Variants in CRYBA4 observed in about 807,000 individuals in gnomAD.
CRYBA4 encodes the protein beta-crystallin A4.
In CRYBA4, 30 loss-of-function variants were observed where a neutral mutation model predicts 31.7. The ratio of observed to expected loss-of-function variants is 0.95; its 90% CI spans 0.71 to 1.28. The LOEUF is 1.28. Ranked by LOEUF, CRYBA4 falls within the 50% of genes most tolerant of loss-of-function variation. The pLI is 0.00. For missense variants in CRYBA4, 225 were observed against 260.7 expected (o/e 0.86, Z 0.94); for synonymous variants, 102 against 102.3 (o/e 1.00, Z 0.02).
chr22:26,614,144 T>C, the CRYBA4 span, among the ~76,000 whole-genome samples: 1 of 152,218 alleles, frequency 6.6e-6, no homozygotes, highest in African/African-American at 2.4e-5. Flanking sequence ...ATTTTAATTT[T>C]GCCCCGGTCC....
the CRYBA4 span, chr22:26,599,297 C>G: frequency 3.3e-6 from 2 of 601,278 alleles, no homozygotes; most frequent in Non-Finnish European, 5.9e-6. Context: ...GTGTTTGCTG[C>G]TTTTATTATC....
chr22:26,598,251 G>T, the CRYBA4 span, among the ~76,000 whole-genome samples: 1 of 152,174 alleles, frequency 6.6e-6, no homozygotes, highest in South Asian at 2.1e-4. Flanking sequence ...GCAGGCAGTG[G>T]TATCTGCTGG....
chr22:26,601,778 CCTT>C, the CRYBA4 span: 7 of 1,579,640 alleles, frequency 4.4e-6, no homozygotes, highest in Admixed American at 1.2e-4. Flanking sequence ...GGGGCCATGG[CCTT>C]CTCTAGGAAT....
At chr22:26,615,131 A>G in the CRYBA4 span, among the ~76,000 whole-genome samples, 2 of 152,242 alleles carry the variant, frequency 1.3e-5, no homozygotes, top group Admixed American at 6.5e-5. Flanking sequence ...AAAACCTGCC[A>G]CGCACTGACC....
chr22:26,630,189 G>C (rs1929880927), intron 5 of CRYBA4, 151 bp from the exon 6 acceptor site: 1 of 956,634 alleles, frequency 1.0e-6, no homozygotes, highest in African/African-American at 1.6e-5. Flanking sequence ...CAAAGGCCCT[G>C]TGGTAGGGGA....
the CRYBA4 span, among the ~76,000 whole-genome samples, chr22:26,614,032 G>A: frequency 1.3e-5 from 2 of 152,126 alleles, no homozygotes; most frequent in Non-Finnish European, 2.9e-5. Context: ...TTAGGAAGAG[G>A]AAATTCCTGC....
At chr22:26,590,474 GCTA>G in the CRYBA4 span, among the ~76,000 whole-genome samples, 1 of 152,238 alleles carries the variant, frequency 6.6e-6, no homozygotes, top group Non-Finnish European at 1.5e-5. Context: ...GTGTATTCGT[GCTA>G]CTGTTTGTGT....
At chr22:26,596,143 C>G in the CRYBA4 span, among the ~76,000 whole-genome samples, 1 of 152,030 alleles carries the variant, frequency 6.6e-6, no homozygotes, top group Non-Finnish European at 1.5e-5. Context: ...TTCTGTCGCC[C>G]AAGCTGACAT....
At chr22:26,601,895 TCACGC>T in the CRYBA4 span, 3 of 1,612,130 alleles carry the variant, frequency 1.9e-6, no homozygotes, top group Non-Finnish European at 2.5e-6. Flanking sequence ...CTGGAGACCT[TCACGC>T]TGCCCACGCG....
chr22:26,605,444 C>T, the CRYBA4 span, among the ~76,000 whole-genome samples: 11 of 144,702 alleles, frequency 7.6e-5, no homozygotes, highest in African/African-American at 2.7e-4. Context: ...GAGGCCCAGG[C>T]GGGTAGATCA....
At chr22:26,629,052 A>C (rs1929839066) in intron 5 of CRYBA4, among the ~76,000 whole-genome samples, 1 of 152,136 alleles carries the variant, frequency 6.6e-6, no homozygotes, top group Non-Finnish European at 1.5e-5. Flanking sequence ...CCTAGCCATA[A>C]AACACAGGTG....
chr22:26,598,006 C>T, the CRYBA4 span, among the ~76,000 whole-genome samples: 1 of 152,024 alleles, frequency 6.6e-6, no homozygotes. Flanking sequence ...CCTCAGCCTC[C>T]CAAGTAGCTG....
the CRYBA4 span, among the ~76,000 whole-genome samples, chr22:26,595,081 T>C: frequency 6.6e-6 from 1 of 152,250 alleles, no homozygotes; most frequent in Non-Finnish European, 1.5e-5. Context: ...TTCTTTAACT[T>C]GCTTCTTTTA....
At chr22:26,612,061 C>G in the CRYBA4 span, 3 of 1,597,110 alleles carry the variant, frequency 1.9e-6, no homozygotes, top group Non-Finnish European at 2.6e-6. Flanking sequence ...CCTCCGCCGC[C>G]CAGTACTCAC....
At position 26,628,271 on chromosome 22, in the gene CRYBA4, G is replaced by A. The variant is rs776705468; in HGVS notation, c.301-17G>A. ...ACTGGGAGCCTGCTGGTCTGACTGT[G>A]TTCCCTGTTCCTGTAGAACCACCGT... On this transcript the variant is annotated splice_polypyrimidine_tract_variant and intron_variant, in intron 4 of 5. Transcript: ENST00000354760. 6.2e-7 allele frequency: 1 copy of A among 1,613,874 alleles called. No individual in the cohort carries two copies. Among genetic ancestry groups the A allele is most frequent in the Non-Finnish European group, 8.5e-7 (1 of 1,179,930 alleles).
rs1929601937 is a variant in CRYBA4, at chr22:26,623,341, G to A, written c.147G>A (p.Val49=). 8.1e-6 allele frequency: 13 copies of A among 1,613,588 alleles called. No individual in the cohort carries two copies. The highest frequency in any genetic ancestry group is 4.0e-5 in the African/African-American group (3 of 75,026). ...TCGAGACTGTGCGATCTTTGAAAGTGCTGAGTGGAGCGTGAGTCTAGGGGG... is the reference window on the plus strand; with the variant it reads ...TCGAGACTGTGCGATCTTTGAAAGTACTGAGTGGAGCGTGAGTCTAGGGGG... ...LGFETVRSLK[V]LSGAWVGFEH... is the part of the protein sequence containing the mutation. Residue 49 remains valine, a synonymous_variant, in exon 3 of 6, where the codon GTG becomes GTA. Transcript: ENST00000354760.
At position 26,630,564 on chromosome 22, in the gene CRYBA4, C is replaced by A; in HGVS notation, c.*77C>A. On this transcript the variant is annotated 3_prime_UTR_variant, in exon 6 of 6. Transcript: ENST00000354760. The stretch of plus-strand genomic sequence containing the variant: ...CTCTGGAGGCTGTGGTGTGTTCTCT[C>A]CTTCTGCCTCCCCCTGTAACCTGTG... 7.9e-7 allele frequency: 1 copy of A among 1,266,818 alleles called. No individual in the cohort carries two copies. The highest frequency in any genetic ancestry group is 1.3e-5 in the South Asian group (1 of 78,900). The allele number at this position is 1,266,818 out of a possible 1,614,324, so 78.5% of individuals were successfully genotyped here.
the CRYBA4 span, among the ~76,000 whole-genome samples, chr22:26,591,776 T>A: frequency 6.7e-6 from 1 of 148,212 alleles, no homozygotes; most frequent in Non-Finnish European, 1.5e-5. Context: ...GGCATGGTGC[T>A]GCTCACCTGT....
chr22:26,611,113 G>T, the CRYBA4 span, among the ~76,000 whole-genome samples: 1 of 152,146 alleles, frequency 6.6e-6, no homozygotes, highest in Non-Finnish European at 1.5e-5. Flanking sequence ...ACAGAGACAG[G>T]AACAGGCAGT....
Sources: gnomAD v4.1 joint callset for allele counts (sites outside exome capture counted in the v4.1 genomes callset) on GRCh38, gnomAD v4.1.1 for gene constraint, MANE v1.5 for transcripts, NCBI Gene and HGNC (gene_info 2026-07-23, HGNC 2026-07-21) for gene names.